TANC2: variants seen among roughly 807,000 people sequenced by gnomAD.
The protein encoded by TANC2 is protein TANC2.
TANC2 carries 26 observed loss-of-function variants against 210.5 expected under a neutral mutation model. The ratio of observed to expected loss-of-function variants is 0.12; its 90% CI spans 0.09 to 0.17. TANC2 has a LOEUF of 0.17. Among genes scored for constraint, TANC2 ranks in the 10% least tolerant of loss-of-function variants. The pLI, the probability that TANC2 is intolerant of heterozygous loss-of-function variation, is 1.00. For synonymous variants in TANC2, 931 were observed against 967.1 expected, an observed-to-expected ratio of 0.96 and a Z score of 0.69; for missense variants, 2,129 against 2,608.9, an observed-to-expected ratio of 0.82 and a Z score of 4.01.
chr17:62,981,509 GTC>G (rs1197049384), intron 1 of TANC2, among the ~76,000 whole-genome samples: 1 of 152,048 alleles, frequency 6.6e-6, no homozygotes, highest in East Asian at 1.9e-4. Context: ...TTCCCTGAAA[GTC>G]TCTAGCTTTG....
rs373846699 is a variant in TANC2 at position 63,220,703 on chromosome 17, CAAA to C, written c.770-17096_770-17094del. ...TGGGCAACAGAGCAAGAATCAGTCT[CAAA>C]AAAAAAAAAAAAAATATATATATAT... On this transcript the variant is annotated intron_variant, in intron 7 of 27. Coordinates refer to ENST00000689528, the Ensembl canonical transcript of TANC2. Among the ~76,000 whole-genome samples, 420 of 91,922 alleles carry C rather than the reference CAAA, an allele frequency of 4.6e-3. 1 individual carries two copies. Among genetic ancestry groups the C allele is most frequent in the African/African-American group, 8.4e-3 (186 of 22,220 alleles). The allele number at this position is 91,922 out of a possible 152,430, so 60.3% of individuals were successfully genotyped here.
At chr17:63,253,063 A>G (rs533970824) in intron 8 of TANC2, among the ~76,000 whole-genome samples, 17 of 150,622 alleles carry the variant, frequency 1.1e-4, no homozygotes, top group Admixed American at 2.0e-4. Flanking sequence ...GGCTGACCTA[A>G]TTTACATTCC....
chr17:63,177,382 GA>G (rs1395571660), intron 5 of TANC2, among the ~76,000 whole-genome samples: 1 of 151,500 alleles, frequency 6.6e-6, no homozygotes, highest in African/African-American at 2.4e-5. Context: ...ATAGGAAATG[GA>G]ATTGAATCTG....
intron 2 of TANC2, among the ~76,000 whole-genome samples, chr17:63,031,866 C>G (rs969716902): frequency 1.3e-5 from 2 of 152,136 alleles, no homozygotes; most frequent in East Asian, 3.9e-4. Flanking sequence ...GGGAAGGACT[C>G]AATCTCAGAC....
intron 9 of TANC2, among the ~76,000 whole-genome samples, chr17:63,307,117 T>C (rs1447440220): frequency 6.6e-6 from 1 of 152,060 alleles, no homozygotes; most frequent in African/African-American, 2.4e-5. Flanking sequence ...GTAGGCAGGG[T>C]CCAAATCATC....
chr17:63,070,501 C>G (rs541876859), intron 2 of TANC2, among the ~76,000 whole-genome samples: 1 of 152,308 alleles, frequency 6.6e-6, no homozygotes, highest in South Asian at 2.1e-4. Flanking sequence ...ACTGGCCTTA[C>G]TCTCAAGTCA....
chr17:63,349,658 G>T (rs1422199675), intron 12 of TANC2, among the ~76,000 whole-genome samples: 2 of 152,298 alleles, frequency 1.3e-5, no homozygotes, highest in East Asian at 3.9e-4. Flanking sequence ...CCAGTACAGG[G>T]ATAGATAGCT....
At chr17:63,032,247 T>C (rs917138325) in intron 2 of TANC2, among the ~76,000 whole-genome samples, 2 of 152,120 alleles carry the variant, frequency 1.3e-5, no homozygotes, top group African/African-American at 4.8e-5. Flanking sequence ...CATAAGCTCA[T>C]GGGTAGGTCA....
chr17:63,261,479 C>T (rs972316035), intron 8 of TANC2, among the ~76,000 whole-genome samples: 2 of 152,114 alleles, frequency 1.3e-5, no homozygotes, highest in African/African-American at 4.8e-5. Context: ...ACAAGGGCTC[C>T]AAGAAGGGTT....
At chr17:63,055,990 A>AAAAAATAT (rs2035784593) in intron 2 of TANC2, among the ~76,000 whole-genome samples, 2 of 10,102 alleles carry the variant, frequency 2.0e-4, no homozygotes, top group African/African-American at 5.1e-4. Context: ...AAAAAAAAAA[A>AAAAAATAT]ATATATATAT....
At chr17:63,377,525 T>C (rs1007046414) in intron 14 of TANC2, among the ~76,000 whole-genome samples, 3 of 152,248 alleles carry the variant, frequency 2.0e-5, no homozygotes, top group Non-Finnish European at 4.4e-5. Flanking sequence ...AACAAGTTCC[T>C]TATCTCTATC....
chr17:63,274,663 C>T (rs568647355), intron 9 of TANC2, among the ~76,000 whole-genome samples: 2 of 151,904 alleles, frequency 1.3e-5, no homozygotes, highest in Non-Finnish European at 2.9e-5. Context: ...TAAAAAAATA[C>T]AAAAATTAGC....
intron 8 of TANC2, among the ~76,000 whole-genome samples, chr17:63,266,130 A>G (rs2043517676): frequency 1.3e-5 from 2 of 152,146 alleles, no homozygotes; most frequent in Admixed American, 1.3e-4. Flanking sequence ...ATTGAAAAAG[A>G]TAACAGAGTT....
At chr17:63,030,352 A>T (rs2034719108) in intron 2 of TANC2, among the ~76,000 whole-genome samples, 1 of 152,156 alleles carries the variant, frequency 6.6e-6, no homozygotes, top group Admixed American at 6.6e-5. Context: ...AATTACAGGT[A>T]AATTAATTCT....
At chr17:63,406,375 A>T in intron 21 of TANC2, 98 bp downstream of exon 21, 1 of 1,528,272 alleles carries the variant, frequency 6.5e-7, no homozygotes, top group Non-Finnish European at 8.9e-7. Flanking sequence ...CTAAGAACAG[A>T]TATTAATCCA....
intron 3 of TANC2, among the ~76,000 whole-genome samples, chr17:63,076,130 A>C (rs967328520): frequency 1.3e-5 from 2 of 152,132 alleles, no homozygotes; most frequent in Non-Finnish European, 2.9e-5. Context: ...TCAGATGAAG[A>C]AGCATTGGGT....
At chr17:63,044,045 AC>A (rs1478159947) in intron 2 of TANC2, among the ~76,000 whole-genome samples, 1 of 152,032 alleles carries the variant, frequency 6.6e-6, no homozygotes, top group East Asian at 1.9e-4. Context: ...CAATCTCAGT[AC>A]CCTTTAGTTC....
At chr17:62,996,994 T>TTTTTTTTTTTTTTTTTTTTTTTTTTGAG (rs2033144497) in intron 1 of TANC2, among the ~76,000 whole-genome samples, 13 of 143,646 alleles carry the variant, frequency 9.1e-5, no homozygotes, top group Non-Finnish European at 1.8e-4. Flanking sequence ...TTTGTATTTT[T>TTTTTTTTTTTTTTTTTTTTTTTTTTGAG]AGTATAGATG....
intron 14 of TANC2, among the ~76,000 whole-genome samples, chr17:63,363,868 A>G (rs1372333848): frequency 2.0e-5 from 3 of 152,140 alleles, no homozygotes; most frequent in Non-Finnish European, 4.4e-5. Flanking sequence ...AGATGAGCTT[A>G]CCTCCCTGGG....
Sources: allele counts gnomAD v4.1 joint callset (sites outside exome capture counted in the v4.1 genomes callset), GRCh38; gene constraint gnomAD v4.1.1; transcripts MANE v1.5; gene names NCBI Gene and HGNC (gene_info 2026-07-23, HGNC 2026-07-21).